KLF12: variants seen among roughly 807,000 people sequenced by gnomAD.
KLF12 encodes the protein Krueppel-like factor 12.
KLF12 carries 9 observed loss-of-function variants against 37.8 expected under a neutral mutation model. The observed-to-expected ratio is 0.24, with a 90% CI of 0.14 to 0.42. The LOEUF (loss-of-function observed/expected upper bound fraction) is 0.42. Ranked by LOEUF, KLF12 falls within the 10% of genes least tolerant of loss-of-function variation. The pLI, the probability that KLF12 is intolerant of heterozygous loss-of-function variation, is 1.00. For missense variants in KLF12, 411 were observed against 516.0 expected (o/e 0.80, Z 1.97); for synonymous variants, 208 against 202.1 (o/e 1.03, Z -0.25).
Position 73,687,335 on chromosome 13 carries a change from A to T in KLF12, c.*8155T>A, listed in dbSNP as rs1447316849. On this transcript the variant is annotated 3_prime_UTR_variant, in exon 8 of 8. Coordinates refer to ENST00000377669, the MANE Select transcript of KLF12 (RefSeq NM_007249.5). ...ACATGAACAAAACAATACAGTCACT[A>T]CCCCACAGGGGGACAGTGATTTTTC... 6.6e-6 allele frequency: 1 copy of T among 152,624 alleles called. No individual in the cohort carries two copies. The highest frequency in any genetic ancestry group is 2.4e-5 in the African/African-American group (1 of 41,454). The allele number at this position is 152,624 out of a possible 1,614,324, so 9.5% of individuals were successfully genotyped here.
chr13:74,092,817 T>C (rs1342906258), intron 1 of KLF12, among the ~76,000 whole-genome samples: 1 of 152,056 alleles, frequency 6.6e-6, no homozygotes, highest in Non-Finnish European at 1.5e-5. Context: ...GACATGCAAA[T>C]AGCCAACAAG....
chr13:74,014,717 A>C (rs1363177050), intron 1 of KLF12, among the ~76,000 whole-genome samples: 2 of 152,150 alleles, frequency 1.3e-5, no homozygotes, highest in East Asian at 3.8e-4. Context: ...CAATCCAAAA[A>C]TTTTCTGCAG....
chr13:73,931,268 A>G (rs1889661457), intron 3 of KLF12, among the ~76,000 whole-genome samples: 1 of 152,240 alleles, frequency 6.6e-6, no homozygotes, highest in African/African-American at 2.4e-5. Context: ...CATATTGTGT[A>G]CTATGCTAAG....
intron 5 of KLF12, among the ~76,000 whole-genome samples, chr13:73,793,415 T>C (rs1167630691): frequency 2.0e-5 from 3 of 152,232 alleles, no homozygotes; most frequent in Non-Finnish European, 4.4e-5. Flanking sequence ...CAAACACTTC[T>C]ATAAGACCTA....
chr13:73,836,012 T>C (rs1168272314), intron 4 of KLF12, among the ~76,000 whole-genome samples: 1 of 152,006 alleles, frequency 6.6e-6, no homozygotes, highest in Non-Finnish European at 1.5e-5. Flanking sequence ...CATAAAACAT[T>C]TGTTGAATAA....
At chr13:73,994,817 T>A (rs1892063738) in intron 2 of KLF12, among the ~76,000 whole-genome samples, 173 bp downstream of exon 2, 1 of 152,188 alleles carries the variant, frequency 6.6e-6, no homozygotes, top group South Asian at 2.1e-4. Context: ...TTCCATATAA[T>A]TTTTTAAGGG....
At chr13:74,019,247 C>T (rs1194669511) in intron 1 of KLF12, among the ~76,000 whole-genome samples, 4 of 152,050 alleles carry the variant, frequency 2.6e-5, no homozygotes, top group African/African-American at 7.2e-5. Context: ...TACTGAAGTT[C>T]AAGTTTTTAA....
chr13:73,755,630 T>TA (rs566592341), intron 6 of KLF12, among the ~76,000 whole-genome samples: 1 of 151,902 alleles, frequency 6.6e-6, no homozygotes, highest in South Asian at 2.1e-4. Context: ...TTTTTTTTTT[T>TA]ATTTCAATGG....
At chr13:74,129,015 A>G (rs1339575177) in intron 1 of KLF12, among the ~76,000 whole-genome samples, 2 of 152,208 alleles carry the variant, frequency 1.3e-5, no homozygotes, top group Non-Finnish European at 2.9e-5. Context: ...TAGATATATA[A>G]GATGATGAAT....
At chr13:73,939,281 A>T (rs1197816483) in intron 3 of KLF12, among the ~76,000 whole-genome samples, 1 of 152,226 alleles carries the variant, frequency 6.6e-6, no homozygotes, top group Non-Finnish European at 1.5e-5. Flanking sequence ...GTTTTCAAAA[A>T]TATTTTTATT....
the KLF12 span, among the ~76,000 whole-genome samples, chr13:74,202,676 G>A: frequency 6.6e-6 from 1 of 151,952 alleles, no homozygotes; most frequent in Non-Finnish European, 1.5e-5. Context: ...CTCCTTTTTC[G>A]AAGGATAGAT....
At chr13:73,795,776 C>G (rs1222534064) in intron 5 of KLF12, among the ~76,000 whole-genome samples, 1 of 152,078 alleles carries the variant, frequency 6.6e-6, no homozygotes, top group Admixed American at 6.6e-5. Flanking sequence ...TTGTTTTCTA[C>G]TCGGGACAAA....
At position 73,854,999 on chromosome 13, in the gene KLF12, T is replaced by C. The variant is rs1292727194; in HGVS notation, c.124-8626A>G. On this transcript the variant is annotated intron_variant, in intron 3 of 7. Coordinates refer to ENST00000377669, the MANE Select transcript of KLF12 (RefSeq NM_007249.5). ...AGAGAAATCTCTCTTTTCCTACCTC[T>C]CCTGGAAACAGAGGCAGCTGCAATG... Among the ~76,000 whole-genome samples the C allele has an allele frequency of 3.3e-5, 5 of 152,106 alleles. No individual in the cohort carries two copies. In the East Asian group the frequency reaches 9.6e-4, roughly 29 times the overall value.
chr13:73,899,408 C>T (rs1412043646), intron 3 of KLF12, among the ~76,000 whole-genome samples: 2 of 152,272 alleles, frequency 1.3e-5, no homozygotes, highest in Middle Eastern at 3.4e-3. Flanking sequence ...AAGCACACCC[C>T]AAGATGAGAA....
intron 3 of KLF12, among the ~76,000 whole-genome samples, chr13:73,889,451 T>C (rs1249862980): frequency 6.6e-6 from 1 of 152,198 alleles, no homozygotes; most frequent in East Asian, 1.9e-4. Flanking sequence ...ATTATTACGC[T>C]CACTTTGCAC....
chr13:74,207,502 C>A, the KLF12 span, among the ~76,000 whole-genome samples: 1 of 151,950 alleles, frequency 6.6e-6, no homozygotes, highest in Non-Finnish European at 1.5e-5. Context: ...GGTGAAACCC[C>A]GTCTCTACTA....
At chr13:74,241,721 C>T in the KLF12 span, among the ~76,000 whole-genome samples, 9 of 152,168 alleles carry the variant, frequency 5.9e-5, 1 homozygote, top group Admixed American at 2.0e-4. Context: ...TTCCAGGTGC[C>T]GTCCGTCACC....
the KLF12 span, among the ~76,000 whole-genome samples, chr13:74,155,373 TTTTTC>T: frequency 3.3e-5 from 5 of 152,136 alleles, no homozygotes; most frequent in East Asian, 5.8e-4. Context: ...GTTTTTGTTT[TTTTTC>T]TAGACAGGGT....
At chr13:74,274,259 CAGATGGCACTT>C in the KLF12 span, among the ~76,000 whole-genome samples, 1 of 152,154 alleles carries the variant, frequency 6.6e-6, no homozygotes, top group Non-Finnish European at 1.5e-5. Flanking sequence ...CTGCCACTTC[CAGATGGCACTT>C]AAAAAAAAGA....
Sources: gnomAD v4.1 joint callset for allele counts (sites outside exome capture counted in the v4.1 genomes callset) on GRCh38, gnomAD v4.1.1 for gene constraint, MANE v1.5 for transcripts, NCBI Gene and HGNC (gene_info 2026-07-23, HGNC 2026-07-21) for gene names.